GLI3: variants seen among roughly 807,000 people sequenced by gnomAD.
GLI3 encodes the protein GLI family zinc finger 3.
A neutral mutation model predicts 100.8 loss-of-function variants in GLI3; 20 were observed. The observed-to-expected ratio is 0.20, with a 90% CI of 0.14 to 0.29. The LOEUF (loss-of-function observed/expected upper bound fraction) is 0.29. Among genes scored for constraint, GLI3 ranks in the 10% least tolerant of loss-of-function variants. The pLI is 1.00. For synonymous variants in GLI3, 938 were observed against 860.5 expected (o/e 1.09, Z -1.58); for missense variants, 2,040 against 2,128.5 (o/e 0.96, Z 0.82).
intron 3 of GLI3, among the ~76,000 whole-genome samples, chr7:42,108,086 G>C (rs918633706): frequency 6.6e-5 from 10 of 152,198 alleles, no homozygotes; most frequent in African/African-American, 1.9e-4. Context: ...GCTAGAAGGA[G>C]AATGCACAGA....
intron 3 of GLI3, among the ~76,000 whole-genome samples, chr7:42,088,587 A>G (rs927297251): frequency 6.6e-6 from 1 of 152,224 alleles, no homozygotes; most frequent in Non-Finnish European, 1.5e-5. Flanking sequence ...TGGGCCTGCA[A>G]GCCCACCATG....
intron 3 of GLI3, among the ~76,000 whole-genome samples, chr7:42,079,066 T>A (rs1287117654): frequency 3.9e-5 from 6 of 152,206 alleles, no homozygotes; most frequent in African/African-American, 7.2e-5. Flanking sequence ...AAAGTCCATA[T>A]AAAAATTGAT....
At chr7:42,255,475 T>C (rs770297235) in intron 1 of GLI3, among the ~76,000 whole-genome samples, 1 of 152,208 alleles carries the variant, frequency 6.6e-6, no homozygotes, top group Non-Finnish European at 1.5e-5. Context: ...TCTGCGTGCA[T>C]CAATTCCTGC....
rs911311241 is a variant in GLI3 at position 42,026,520 on chromosome 7, T to C, written c.1029-108A>G. On this transcript the variant is annotated intron_variant, in intron 7 of 14. Transcript: ENST00000395925. ...ATAATTTTACCATCCCAAATCAAAT[T>C]TGTTTAAATGAGAAGGTAGGATTAT... 8.1e-5 allele frequency: 71 copies of C among 881,048 alleles called. No individual in the cohort carries two copies. In the African/African-American group the frequency reaches 8.8e-4, roughly 11 times the overall value. 54.6% of individuals were successfully genotyped at this position (881,048 alleles called of 1,614,324 possible). A position where few individuals can be genotyped will look rare whatever the true frequency, so the allele number is the denominator to read the frequency against.
upstream of GLI3, among the ~76,000 whole-genome samples, chr7:42,242,420 A>T (rs1788934738): frequency 6.6e-6 from 1 of 152,306 alleles, no homozygotes; most frequent in South Asian, 2.1e-4. Context: ...GTTTTACCAA[A>T]TCTTTCCGAA....
At chr7:42,051,217 C>T (rs1784345695) in intron 4 of GLI3, among the ~76,000 whole-genome samples, 1 of 152,152 alleles carries the variant, frequency 6.6e-6, no homozygotes, top group African/African-American at 2.4e-5. Context: ...GATACAGGTG[C>T]ATCAGGCAGT....
rs117294887 is a variant in GLI3, at chr7:42,195,493, T to C, written c.124+27637A>G. Among the ~76,000 whole-genome samples, 20 of 152,314 alleles carry C rather than the reference T, an allele frequency of 1.3e-4. No individual in the cohort carries two copies. In the East Asian group the frequency reaches 3.9e-3, roughly 29 times the overall value. ...GTACCTGCCTCCTCACATCTGTTTT[T>C]ACAGTGCTTTTTCTGATTCTTTCAT... On this transcript the variant is annotated intron_variant, in intron 2 of 14. Coordinates refer to ENST00000395925, the MANE Select transcript of GLI3 (RefSeq NM_000168.6).
chr7:42,021,631 A>C (rs1218558245), intron 10 of GLI3, among the ~76,000 whole-genome samples: 8 of 152,252 alleles, frequency 5.3e-5, no homozygotes, highest in Admixed American at 4.6e-4. Context: ...AATTCATTTT[A>C]AATGTAGACT....
In GLI3 at chr7:42,076,026, G is replaced by A. The variant is rs150084320; in HGVS notation, c.473+726C>T. On this transcript the variant is annotated intron_variant, in intron 4 of 14. Coordinates refer to ENST00000395925, the MANE Select transcript of GLI3 (RefSeq NM_000168.6). ...ATGAATAAATGTATATATCAAGGCC[G>A]TTAGCAAGGGACAGCCCATCCCAGA... Among the ~76,000 whole-genome samples, 620 of 152,294 alleles carry A rather than the reference G, an allele frequency of 4.1e-3. 5 individuals carry two copies. Among genetic ancestry groups the A allele is most frequent in the African/African-American group, 0.014 (584 of 41,568 alleles).
intron 1 of GLI3, among the ~76,000 whole-genome samples, chr7:42,258,564 G>T (rs62443842): frequency 0.026 from 3,997 of 152,126 alleles, 68 homozygotes; most frequent in South Asian, 0.041. Flanking sequence ...TCTTCCATTT[G>T]GGCTACAATA....
chr7:42,178,805 A>G (rs755555231), intron 2 of GLI3, among the ~76,000 whole-genome samples: 1 of 152,162 alleles, frequency 6.6e-6, no homozygotes, highest in Non-Finnish European at 1.5e-5. Flanking sequence ...GGACCAGGCA[A>G]CCGGGGGTAG....
At chr7:41,976,312 AG>A (rs1298952571) in intron 12 of GLI3, among the ~76,000 whole-genome samples, 5 of 152,324 alleles carry the variant, frequency 3.3e-5, no homozygotes, top group Non-Finnish European at 5.9e-5. Flanking sequence ...GAATAACTCC[AG>A]TTTCCATGAC....
At chr7:42,184,603 A>G (rs1280134691) in intron 2 of GLI3, among the ~76,000 whole-genome samples, 1 of 152,188 alleles carries the variant, frequency 6.6e-6, no homozygotes, top group Non-Finnish European at 1.5e-5. Context: ...TAATGAATGA[A>G]TGAATGAAGC....
intron 2 of GLI3, among the ~76,000 whole-genome samples, chr7:42,204,581 A>G (rs1391091186): frequency 6.6e-6 from 1 of 152,246 alleles, no homozygotes; most frequent in Non-Finnish European, 1.5e-5. Context: ...CCTGGCACTT[A>G]GCACAGCCTC....
intron 10 of GLI3, among the ~76,000 whole-genome samples, chr7:42,003,920 A>C (rs1290064837): frequency 1.3e-5 from 2 of 152,212 alleles, no homozygotes; most frequent in Non-Finnish European, 2.9e-5. Flanking sequence ...GAAACTTATA[A>C]ATAAACAGGA....
At chr7:42,029,718 A>G (rs1789231061) in intron 7 of GLI3, among the ~76,000 whole-genome samples, 1 of 151,922 alleles carries the variant, frequency 6.6e-6, no homozygotes, top group Non-Finnish European at 1.5e-5. Flanking sequence ...CCTTTTTTAC[A>G]TTCACGTTCC....
At chr7:42,187,837 T>C (rs1787748467) in intron 2 of GLI3, among the ~76,000 whole-genome samples, 1 of 151,676 alleles carries the variant, frequency 6.6e-6, no homozygotes, top group East Asian at 1.9e-4. Context: ...ACCCCGTCTC[T>C]ACTAAAAACA....
In GLI3 at chr7:41,964,064, G is replaced by GTTTTTT; in HGVS notation, c.*260_*265dup. ...TACTAAAAAGGGGGCGGGGCTTACA[G>GTTTTTT]TTTTTTTTTTTTTTTTTAAAAAGAG... On this transcript the variant is annotated 3_prime_UTR_variant, in exon 15 of 15. Transcript: ENST00000395925. The GTTTTTT allele has an allele frequency of 2.4e-5, 5 of 205,294 alleles. No homozygotes were observed. Among genetic ancestry groups the GTTTTTT allele is most frequent in the Middle Eastern group, 2.0e-3 (1 of 488 alleles). The allele number at this position is 205,294 out of a possible 1,614,324, so 12.7% of individuals were successfully genotyped here.
Position 41,972,760 on chromosome 7 carries a change from G to A in GLI3, c.1813-133C>T. 1.4e-6 allele frequency: 1 copy of A among 734,886 alleles called. No individual in the cohort carries two copies. Among genetic ancestry groups the A allele is most frequent in the Admixed American group, 2.0e-5 (1 of 49,114 alleles). The allele number at this position is 734,886 out of a possible 1,614,324, so 45.5% of individuals were successfully genotyped here. ...CTTTCACAAGGCTTTGAGGTGTTCAGATACCTCTAGGAACTAATAGTTTAA... is the reference window on the plus strand; with the variant it reads ...CTTTCACAAGGCTTTGAGGTGTTCAAATACCTCTAGGAACTAATAGTTTAA... On this transcript the variant is annotated intron_variant, in intron 12 of 14. Transcript: ENST00000395925. This position sits in a 1 kb window ranked among gnomAD's most constrained non-coding sequence, Gnocchi z 4.4.
Sources: gnomAD v4.1 joint callset for allele counts (sites outside exome capture counted in the v4.1 genomes callset) on GRCh38, gnomAD v4.1.1 for gene constraint, Gnocchi (gnomAD v3.1) non-coding constraint, MANE v1.5 for transcripts, NCBI Gene and HGNC (gene_info 2026-07-23, HGNC 2026-07-21) for gene names.